Variants in ATG16L1 observed in about 807,000 individuals in gnomAD.
ATG16L1 encodes autophagy related 16 like 1, also known as autophagy-related protein 16-1.
A neutral mutation model predicts 88.5 loss-of-function variants in ATG16L1; 37 were observed. The observed-to-expected ratio is 0.42, with a 90% confidence interval of 0.32 to 0.55. ATG16L1 has a LOEUF of 0.55. ATG16L1 is among the 20% of genes least tolerant of loss of function. The pLI is 0.13. For synonymous variants in ATG16L1, 301 were observed against 281.0 expected, an observed-to-expected ratio of 1.07 and a Z score of -0.71; for missense variants, 554 against 752.8, an observed-to-expected ratio of 0.74 and a Z score of 3.09.
chr2:233,259,705 A>G (rs1246545825), intron 2 of ATG16L1, among the ~76,000 whole-genome samples: 1 of 152,114 alleles, frequency 6.6e-6, no homozygotes, highest in South Asian at 2.1e-4. Flanking sequence ...TTCCATTCAC[A>G]GTATCGTTGT....
At chr2:233,294,104 G>A (rs930373337) in intron 17 of ATG16L1, among the ~76,000 whole-genome samples, 153 bp from the exon 18 acceptor site, 3 of 152,220 alleles carry the variant, frequency 2.0e-5, no homozygotes, top group Non-Finnish European at 4.4e-5. Flanking sequence ...ATGTTAGTGA[G>A]CTCCTGCCTT....
intron 16 of ATG16L1, among the ~76,000 whole-genome samples, chr2:233,292,901 C>T (rs1332593561): frequency 6.6e-6 from 1 of 152,206 alleles, no homozygotes; most frequent in Non-Finnish European, 1.5e-5. Context: ...TGTTTCTTTT[C>T]TTCCCTCCTC....
Position 233,265,075 on chromosome 2 carries a change from C to G in ATG16L1, c.573C>G (p.Val191=), listed in dbSNP as rs754557916. Residue 191 remains valine (V), a synonymous_variant, in exon 5 of 18, where the codon GTC becomes GTG. Coordinates refer to ENST00000392017, the MANE Select transcript of ATG16L1 (RefSeq NM_030803.7). ...RKTTEENQEL[V]TRWMAEKAQE... ...CTACGGAAGAGAACCAGGAGCTGGT[C>G]ACCAGATGGATGGCTGAGAAAGCCC... The G allele has an allele frequency of 6.2e-7, 1 of 1,614,148 alleles. No individual in the cohort carries two copies. The highest frequency in any genetic ancestry group is 8.5e-7 in the Non-Finnish European group (1 of 1,180,034).
chr2:233,285,662 A>G (rs1342106149), intron 12 of ATG16L1, among the ~76,000 whole-genome samples: 2 of 152,216 alleles, frequency 1.3e-5, no homozygotes, highest in African/African-American at 4.8e-5. Flanking sequence ...CTGCACCCAG[A>G]GAAGTCTCCC....
chr2:233,288,901 G>GC (rs1699264321), intron 12 of ATG16L1: 1 of 519,076 alleles, frequency 1.9e-6, no homozygotes, highest in Non-Finnish European at 3.8e-6. Context: ...TGGGAGTGCT[G>GC]GTATCTGTGG....
At position 233,294,447 on chromosome 2, in the gene ATG16L1, C is replaced by A; in HGVS notation, c.*97C>A. 2 of 887,860 alleles carry A rather than the reference C, an allele frequency of 2.3e-6. No individual in the cohort carries two copies. The highest frequency in any genetic ancestry group is 3.5e-6 in the Non-Finnish European group (2 of 577,910). The allele number at this position is 887,860 out of a possible 1,614,324, so 55.0% of individuals were successfully genotyped here. A position where few individuals can be genotyped will look rare whatever the true frequency, so the allele number is the denominator to read the frequency against. On this transcript the variant is annotated 3_prime_UTR_variant, in exon 18 of 18. Coordinates refer to ENST00000392017, the MANE Select transcript of ATG16L1 (RefSeq NM_030803.7). ...CTGGCAGGTGATGTGCTGGGTATAG[C>A]ATGGACCTCCCAGAGAAGCTCAAGC...
intron 6 of ATG16L1, among the ~76,000 whole-genome samples, chr2:233,271,086 C>T (rs907449254): frequency 6.6e-6 from 1 of 152,090 alleles, no homozygotes; most frequent in Non-Finnish European, 1.5e-5. Flanking sequence ...TTTTCCCAAG[C>T]CACAAAGTAA....
At chr2:233,258,998 G>A (rs932166454) in intron 2 of ATG16L1, among the ~76,000 whole-genome samples, 6 of 152,082 alleles carry the variant, frequency 3.9e-5, no homozygotes, top group Non-Finnish European at 7.4e-5. Flanking sequence ...CCACACCCAG[G>A]GGGATGGTCA....
At chr2:233,275,817 C>T (rs373248719) in intron 9 of ATG16L1, 18 of 519,080 alleles carry the variant, frequency 3.5e-5, no homozygotes, top group Non-Finnish European at 6.2e-5. Flanking sequence ...TTTTCCCTCC[C>T]GTCACATTTA....
At position 233,292,234 on chromosome 2, in the gene ATG16L1, A is replaced by G. The variant is rs779817233; in HGVS notation, c.1537A>G (p.Lys513Glu). The change falls in exon 15 of 18, where the codon AAA becomes GAA. Residue 513 changes from lysine to glutamate, a missense_variant. Around this residue, in one of 5 missense-constraint regions of ATG16L1, gnomAD observed 370 missense variants for 509.7 expected, o/e 0.73. Coordinates refer to ENST00000392017, the MANE Select transcript of ATG16L1 (RefSeq NM_030803.7). ...LLSCSRDDLL[K>E]VIDLRTNAIK... ...GAGCTGCTCCCGTGATGACTTGCTA[A>G]AAGTTATTGATCTCCGAACAAATGC... The G allele has an allele frequency of 1.2e-6, 2 of 1,614,246 alleles. No individual in the cohort carries two copies. The highest frequency in any genetic ancestry group is 1.7e-5 in the Admixed American group (1 of 60,024).
intron 2 of ATG16L1, among the ~76,000 whole-genome samples, chr2:233,259,844 GTTTGCATTTAT>G (rs527571587): frequency 2.0e-3 from 305 of 152,084 alleles, no homozygotes; most frequent in Non-Finnish European, 3.9e-3. Context: ...GCATCCTTTG[GTTTGCATTTAT>G]TTTGCCACCT....
At chr2:233,282,197 C>T (rs1698761467) in intron 11 of ATG16L1, among the ~76,000 whole-genome samples, 2 of 152,164 alleles carry the variant, frequency 1.3e-5, no homozygotes, top group Non-Finnish European at 2.9e-5. Flanking sequence ...GGAAGCAGGT[C>T]TGCAGTGGCC....
intron 10 of ATG16L1, among the ~76,000 whole-genome samples, chr2:233,279,890 G>A (rs1246904812): frequency 6.6e-6 from 1 of 152,160 alleles, no homozygotes; most frequent in African/African-American, 2.4e-5. Context: ...TAAGTGCCAA[G>A]CAAATAGACC....
chr2:233,276,617 T>A (rs779111294), intron 9 of ATG16L1, among the ~76,000 whole-genome samples: 3 of 152,072 alleles, frequency 2.0e-5, no homozygotes, highest in Non-Finnish European at 4.4e-5. Context: ...GAACAATAGG[T>A]ATGCGCTACC....
intron 2 of ATG16L1, among the ~76,000 whole-genome samples, chr2:233,257,168 C>T (rs1696848608): frequency 1.3e-5 from 2 of 152,086 alleles, no homozygotes; most frequent in South Asian, 4.2e-4. Flanking sequence ...TAGCTGGGAC[C>T]ACAGGCACCC....
intron 12 of ATG16L1, among the ~76,000 whole-genome samples, chr2:233,284,075 A>ACC (rs2125278162): frequency 7.2e-6 from 1 of 138,402 alleles, no homozygotes; most frequent in African/African-American, 2.7e-5. Flanking sequence ...TCTTGAACTG[A>ACC]CCTCATGATC....
intron 10 of ATG16L1, among the ~76,000 whole-genome samples, chr2:233,278,787 T>G (rs1340850112): frequency 6.6e-6 from 1 of 152,190 alleles, no homozygotes; most frequent in Non-Finnish European, 1.5e-5. Context: ...CGGCCTTTGA[T>G]TTTCAGGAAA....
intron 7 of ATG16L1, 129 bp downstream of exon 7, chr2:233,273,181 C>G: frequency 1.4e-6 from 1 of 699,656 alleles, no homozygotes; most frequent in Non-Finnish European, 2.5e-6. Flanking sequence ...CACCCAGCGT[C>G]GAACACACCA....
At chr2:233,292,318 A>C (rs766071807) in intron 15 of ATG16L1, 41 bp downstream of exon 15, 1 of 1,611,114 alleles carries the variant, frequency 6.2e-7, no homozygotes, top group Non-Finnish European at 8.5e-7. Flanking sequence ...CCAGAGGCCC[A>C]GCCCTGCTCT....
Sources: allele counts gnomAD v4.1 joint callset (sites outside exome capture counted in the v4.1 genomes callset), GRCh38; gene constraint gnomAD v4.1.1; regional missense constraint gnomAD v4.1.1; transcripts MANE v1.5; gene names NCBI Gene and HGNC (gene_info 2026-07-23, HGNC 2026-07-21).